The following RTKN2 variants were observed in gnomAD, a reference collection of about 807,000 sequenced individuals.
RTKN2 encodes the protein rhotekin 2.
Under a neutral mutation model 71.5 loss-of-function variants are expected in RTKN2, and 69 were observed. The ratio of observed to expected loss-of-function variants is 0.96; its 90% CI spans 0.79 to 1.18. The LOEUF is 1.18. Ranked by LOEUF, RTKN2 falls within the 50% of genes most tolerant of loss-of-function variation. The pLI, the probability that RTKN2 is intolerant of heterozygous loss-of-function variation, is 0.00. For missense variants in RTKN2, 724 were observed against 719.7 expected (o/e 1.01, Z -0.07); for synonymous variants, 236 against 236.5 (o/e 1.00, Z 0.02).
chr10:62,261,980 T>C (rs1030619179), intron 2 of RTKN2, among the ~76,000 whole-genome samples: 3 of 152,196 alleles, frequency 2.0e-5, no homozygotes, highest in Admixed American at 6.5e-5. Flanking sequence ...AGATTTGGCA[T>C]TGTAAAAAGT....
chr10:62,185,153 G>C (rs1226020980), intron 8 of RTKN2, among the ~76,000 whole-genome samples: 1 of 151,290 alleles, frequency 6.6e-6, no homozygotes, highest in Non-Finnish European at 1.5e-5. Context: ...AGCTTGACTT[G>C]TCACTCCTTA....
In RTKN2 at chr10:62,268,839, C is replaced by T; in HGVS notation, c.-229G>A. 4.1e-6 allele frequency: 2 copies of T among 491,710 alleles called. No individual in the cohort carries two copies. Among genetic ancestry groups the T allele is most frequent in the Non-Finnish European group, 7.1e-6 (2 of 282,300 alleles). 30.5% of individuals were successfully genotyped at this position (491,710 alleles called of 1,614,324 possible). A position where few individuals can be genotyped will look rare whatever the true frequency, so the allele number is the denominator to read the frequency against. ...GCCGAGACCCCAGGCTCTAGCGCGG[C>T]GGGGCGGGGGAGAGGGCGGCGGTGC... is the stretch of plus-strand genomic sequence containing the variant. On this transcript the variant is annotated 5_prime_UTR_variant, in exon 1 of 12. Coordinates refer to ENST00000373789, the MANE Select transcript of RTKN2 (RefSeq NM_145307.4).
chr10:62,212,685 A>G (rs1352935586), intron 9 of RTKN2, among the ~76,000 whole-genome samples: 1 of 152,168 alleles, frequency 6.6e-6, no homozygotes, highest in Admixed American at 6.5e-5. Context: ...CCTGAGAGAC[A>G]GGGCCAGACC....
Position 62,196,467 on chromosome 10 carries a change from G to A in RTKN2, c.*1441C>T. 1 of 985,250 alleles carries A rather than the reference G, an allele frequency of 1.0e-6. No homozygotes were observed. The highest frequency in any genetic ancestry group is 1.2e-6 in the Non-Finnish European group (1 of 829,808). 61.0% of individuals were successfully genotyped at this position (985,250 alleles called of 1,614,324 possible). ...GGGCAAACACAAAAGTGTCCTGGCA[G>A]TTACATCATTCTCTATAAATGGAAA... is the stretch of plus-strand genomic sequence containing the variant. On this transcript the variant is annotated 3_prime_UTR_variant, in exon 12 of 12. Coordinates refer to ENST00000373789, the MANE Select transcript of RTKN2 (RefSeq NM_145307.4).
chr10:62,196,255 G>A lies in RTKN2; in HGVS notation c.*1653C>T, dbSNP rs1841329345. On this transcript the variant is annotated 3_prime_UTR_variant, in exon 12 of 12. Transcript: ENST00000373789. ...GCAATCATAACAGAAACTTATGAGA[G>A]CCTTCTAGTTAGAAAAAATAAGTTT... The A allele has an allele frequency of 1.0e-6, 1 of 970,850 alleles. No homozygotes were observed. The highest frequency in any genetic ancestry group is 1.2e-6 in the Non-Finnish European group (1 of 816,884). 60.1% of individuals were successfully genotyped at this position (970,850 alleles called of 1,614,324 possible).
intron 2 of RTKN2, among the ~76,000 whole-genome samples, chr10:62,251,076 G>T (rs1212618813): frequency 1.3e-5 from 2 of 152,096 alleles, no homozygotes; most frequent in Non-Finnish European, 2.9e-5. Context: ...CTGCCATCTA[G>T]ATTATCAGAG....
In RTKN2 at chr10:62,196,261, T is replaced by C. The variant is rs929730108; in HGVS notation, c.*1647A>G. The stretch of plus-strand genomic sequence containing the variant: ...ATAACAGAAACTTATGAGAGCCTTC[T>C]AGTTAGAAAAAATAAGTTTACTTTT... On this transcript the variant is annotated 3_prime_UTR_variant, in exon 12 of 12. Transcript: ENST00000373789. The C allele has an allele frequency of 1.2e-5, 12 of 975,602 alleles. No individual in the cohort carries two copies. Among genetic ancestry groups the C allele is most frequent in the Admixed American group, 1.2e-4 (2 of 16,240 alleles). The allele number at this position is 975,602 out of a possible 1,614,324, so 60.4% of individuals were successfully genotyped here. A position where few individuals can be genotyped will look rare whatever the true frequency, so the allele number is the denominator to read the frequency against.
At chr10:62,198,680 TAACA>T (rs1203533506) in intron 11 of RTKN2, among the ~76,000 whole-genome samples, 11 of 151,992 alleles carry the variant, frequency 7.2e-5, no homozygotes, top group Non-Finnish European at 1.3e-4. Context: ...AAAACATATA[TAACA>T]TACATATAAT....
chr10:62,228,556 A>C (rs1363351633), intron 6 of RTKN2, among the ~76,000 whole-genome samples: 1 of 152,216 alleles, frequency 6.6e-6, no homozygotes, highest in Non-Finnish European at 1.5e-5. Flanking sequence ...CATGAAGGAT[A>C]GTTATGAAAT....
chr10:62,186,455 G>C (rs529371504), intron 8 of RTKN2, among the ~76,000 whole-genome samples: 2 of 151,504 alleles, frequency 1.3e-5, no homozygotes, highest in Non-Finnish European at 2.9e-5. Context: ...AAGACAGAAC[G>C]CAGTAGCGGA....
At position 62,196,505 on chromosome 10, in the gene RTKN2, CT is replaced by C; in HGVS notation, c.*1402del. ...CTATAAATGGAAAAGACCCCGCTAT[CT>C]GAAAATAATGAAAGGCTCCATTTAA... On this transcript the variant is annotated 3_prime_UTR_variant, in exon 12 of 12. Coordinates refer to ENST00000373789, the MANE Select transcript of RTKN2 (RefSeq NM_145307.4). 3.0e-6 allele frequency: 3 copies of C among 985,304 alleles called. No homozygotes were observed. The highest frequency in any genetic ancestry group is 4.7e-5 in the South Asian group (1 of 21,284). 61.0% of individuals were successfully genotyped at this position (985,304 alleles called of 1,614,324 possible).
At chr10:62,244,285 C>T (rs921905153) in intron 3 of RTKN2, among the ~76,000 whole-genome samples, 1 of 151,994 alleles carries the variant, frequency 6.6e-6, no homozygotes, top group South Asian at 2.1e-4. Flanking sequence ...CGTAAGTATC[C>T]GATTTTCTCA....
At chr10:62,221,780 C>CT (rs1490561355) in intron 7 of RTKN2, among the ~76,000 whole-genome samples, 8 of 151,888 alleles carry the variant, frequency 5.3e-5, no homozygotes, top group Non-Finnish European at 1.0e-4. Context: ...ATAAAACTGA[C>CT]TAATCTATTA....
chr10:62,194,523 A>G lies in RTKN2; in HGVS notation c.*3385T>C. The G allele has an allele frequency of 1.0e-6, 1 of 984,876 alleles. No homozygotes were observed. Among genetic ancestry groups the G allele is most frequent in the Non-Finnish European group, 1.2e-6 (1 of 829,426 alleles). The allele number at this position is 984,876 out of a possible 1,614,324, so 61.0% of individuals were successfully genotyped here. Reference sequence around the variant, plus strand: ...AAATGAGTTTTGATAAATTCAGACCACAGGGACAGATATTTTTCTTGCAGA... The same window carrying G: ...AAATGAGTTTTGATAAATTCAGACCGCAGGGACAGATATTTTTCTTGCAGA... On this transcript the variant is annotated 3_prime_UTR_variant, in exon 12 of 12. Transcript: ENST00000373789.
chr10:62,249,384 G>T (rs1208537137), intron 2 of RTKN2, among the ~76,000 whole-genome samples: 2 of 151,570 alleles, frequency 1.3e-5, no homozygotes, highest in Non-Finnish European at 2.9e-5. Flanking sequence ...TGCGGGGTTG[G>T]GGGGTGGTGG....
intron 2 of RTKN2, among the ~76,000 whole-genome samples, chr10:62,247,393 T>C (rs929988426): frequency 1.3e-5 from 2 of 152,004 alleles, no homozygotes; most frequent in African/African-American, 2.4e-5. Flanking sequence ...GATATTTACA[T>C]AGTATTTATA....
intron 2 of RTKN2, among the ~76,000 whole-genome samples, chr10:62,251,891 C>G (rs1165250629): frequency 6.6e-6 from 1 of 151,330 alleles, no homozygotes; most frequent in Non-Finnish European, 1.5e-5. Context: ...TATATAGAAG[C>G]AAAAGTACAC....
intron 1 of RTKN2, among the ~76,000 whole-genome samples, chr10:62,265,593 A>C (rs1291584849): frequency 7.4e-6 from 1 of 134,528 alleles, no homozygotes. Context: ...TTTTTTTCTT[A>C]AGGCTACTGT....
In RTKN2 at chr10:62,198,390, T is replaced by G; in HGVS notation, c.1348A>C (p.Ile450Leu). ...ESLTDIIQKK[I>L]EETNGQFLIG... ...AGGAACTGCCCATTTGTCTCTTCAA[T>G]TTTTTTTTGTATTATATCCGTTAAA... is the stretch of plus-strand genomic sequence containing the variant. Residue 450 changes from isoleucine to leucine, a missense_variant, in exon 12 of 12, where the codon ATT (isoleucine) becomes CTT (leucine). Transcript: ENST00000373789. 6.5e-7 allele frequency: 1 copy of G among 1,527,556 alleles called. No homozygotes were observed. The highest frequency in any genetic ancestry group is 8.9e-7 in the Non-Finnish European group (1 of 1,127,576). The allele number at this position is 1,527,556 out of a possible 1,614,324, so 94.6% of individuals were successfully genotyped here.
Sources: gnomAD v4.1 joint callset for allele counts (sites outside exome capture counted in the v4.1 genomes callset) on GRCh38, gnomAD v4.1.1 for gene constraint, MANE v1.5 for transcripts, NCBI Gene and HGNC (gene_info 2026-07-23, HGNC 2026-07-21) for gene names.